The following ELAVL1 variants were observed in gnomAD, a reference collection of about 807,000 sequenced individuals.
ELAVL1 encodes ELAV-like protein 1.
A neutral mutation model predicts 28.4 loss-of-function variants in ELAVL1; 1 was observed. The observed-to-expected ratio is 0.04, with a 90% confidence interval of 0.01 to 0.17. ELAVL1 has a LOEUF of 0.17. Ranked by LOEUF, ELAVL1 falls within the 10% of genes least tolerant of loss-of-function variation. The pLI, the probability that ELAVL1 is intolerant of heterozygous loss-of-function variation, is 1.00. For missense variants in ELAVL1, 157 were observed against 447.2 expected (o/e 0.35, Z 5.85); for synonymous variants, 174 against 183.5 (o/e 0.95, Z 0.42).
Position 7,981,200 on chromosome 19 carries a change from C to T in ELAVL1, c.173-14G>A. Reference sequence around the variant, plus strand: ...CCAAGCTGTGTCCTGTGCAAGAGAACATGAAGACATTGGTAAGCCAACCGT... The same window carrying T: ...CCAAGCTGTGTCCTGTGCAAGAGAATATGAAGACATTGGTAAGCCAACCGT... On this transcript the variant is annotated splice_polypyrimidine_tract_variant and intron_variant, in intron 2 of 5. Transcript: ENST00000407627. This position sits in a 1 kb window ranked among gnomAD's most constrained non-coding sequence, Gnocchi z 4.2. 6.2e-7 allele frequency: 1 copy of T among 1,614,052 alleles called. No individual in the cohort carries two copies. Among genetic ancestry groups the T allele is most frequent in the East Asian group, 2.2e-5 (1 of 44,882 alleles).
In ELAVL1 at chr19:7,963,420, A is replaced by G; in HGVS notation, c.*63T>C. On this transcript the variant is annotated 3_prime_UTR_variant, in exon 6 of 6. Coordinates refer to ENST00000407627, the MANE Select transcript of ELAVL1 (RefSeq NM_001419.3). This position sits in a 1 kb window ranked among gnomAD's most constrained non-coding sequence, Gnocchi z 4.5. Reference sequence around the variant, plus strand: ...GGCGCAAAATGAGTTGTACACTAACAAGAAAAGTTTCAACTCCTTCACTCT... The same window carrying G: ...GGCGCAAAATGAGTTGTACACTAACGAGAAAAGTTTCAACTCCTTCACTCT... 6.5e-7 allele frequency: 1 copy of G among 1,533,208 alleles called. No individual in the cohort carries two copies. The highest frequency in any genetic ancestry group is 8.8e-7 in the Non-Finnish European group (1 of 1,137,878). The allele number at this position is 1,533,208 out of a possible 1,614,324, so 95.0% of individuals were successfully genotyped here. A position where few individuals can be genotyped will look rare whatever the true frequency, so the allele number is the denominator to read the frequency against.
chr19:7,963,895 G>T lies in ELAVL1; in HGVS notation c.657-88C>A. The T allele has an allele frequency of 7.0e-7, 1 of 1,425,806 alleles. No individual in the cohort carries two copies. 88.3% of individuals were successfully genotyped at this position (1,425,806 alleles called of 1,614,324 possible). On this transcript the variant is annotated intron_variant, in intron 5 of 5. Transcript: ENST00000407627. The surrounding 1 kb of genome is among the most constrained non-coding windows in gnomAD (Gnocchi z 4.5). ...GCCTGGACGCATGCTGACCATGGCC[G>T]CTGGGCCCCATCCCGCTCTGCGCAG...
intron 2 of ELAVL1, among the ~76,000 whole-genome samples, chr19:7,986,586 G>T (rs1156951673): frequency 6.6e-6 from 1 of 152,208 alleles, no homozygotes; most frequent in Non-Finnish European, 1.5e-5. Flanking sequence ...GTTAGCGACA[G>T]GGACCAAGAG....
chr19:8,002,590 T>C (rs1469344109), intron 1 of ELAVL1, among the ~76,000 whole-genome samples: 1 of 152,236 alleles, frequency 6.6e-6, no homozygotes, highest in Non-Finnish European at 1.5e-5. Flanking sequence ...GCTGCGCTTC[T>C]CTCGCCATTC....
In ELAVL1 at chr19:7,981,213, G is replaced by A; in HGVS notation, c.173-27C>T. ...TGTGCAAGAGAACATGAAGACATTG[G>A]TAAGCCAACCGTCTGCGAGTGAGGG... On this transcript the variant is annotated intron_variant, in intron 2 of 5. Coordinates refer to ENST00000407627, the MANE Select transcript of ELAVL1 (RefSeq NM_001419.3). This position sits in a 1 kb window ranked among gnomAD's most constrained non-coding sequence, Gnocchi z 4.2. 1.2e-6 allele frequency: 2 copies of A among 1,613,112 alleles called. No individual in the cohort carries two copies. Among genetic ancestry groups the A allele is most frequent in the Non-Finnish European group, 1.7e-6 (2 of 1,179,008 alleles).
At chr19:7,978,502 C>G (rs1985366406) in intron 3 of ELAVL1, among the ~76,000 whole-genome samples, 1 of 152,212 alleles carries the variant, frequency 6.6e-6, no homozygotes, top group African/African-American at 2.4e-5. Context: ...AGCCTCCTGG[C>G]AGGTGCACAG....
intron 1 of ELAVL1, among the ~76,000 whole-genome samples, chr19:7,992,200 C>T (rs189122709): frequency 1.3e-5 from 2 of 152,274 alleles, no homozygotes; most frequent in African/African-American, 4.8e-5. Flanking sequence ...CTCGGCCTCC[C>T]AAAGTGCTGG....
At chr19:7,999,934 G>A (rs1480183386) in intron 1 of ELAVL1, among the ~76,000 whole-genome samples, 5 of 152,092 alleles carry the variant, frequency 3.3e-5, no homozygotes, top group Admixed American at 1.3e-4. Context: ...CTGCCACCAC[G>A]CCCGGCTAAT....
chr19:7,979,389 C>A lies in ELAVL1; in HGVS notation c.276+1694G>T, dbSNP rs1319094411. On this transcript the variant is annotated intron_variant, in intron 3 of 5. Transcript: ENST00000407627. The surrounding 1 kb of genome is among the most constrained non-coding windows in gnomAD (Gnocchi z 5.4). Reference sequence around the variant, plus strand: ...CAGCCACTCCAGCCTTTCCCACCAACATCAATCCTAGAGAGGCAAGACAGT... The same window carrying A: ...CAGCCACTCCAGCCTTTCCCACCAAAATCAATCCTAGAGAGGCAAGACAGT... Among the ~76,000 whole-genome samples, 1 of 152,266 alleles carries A rather than the reference C, an allele frequency of 6.6e-6. No homozygotes were observed. Among genetic ancestry groups the A allele is most frequent in the Non-Finnish European group, 1.5e-5 (1 of 68,044 alleles).
Position 7,963,095 on chromosome 19 carries a change from AC to A in ELAVL1, c.*387del. ...TCTGTCTAACATCTTTAGATTAAAA[AC>A]TAAAACTAAAAGGTGATTTTTTTGC... On this transcript the variant is annotated 3_prime_UTR_variant, in exon 6 of 6. Transcript: ENST00000407627. This position sits in a 1 kb window ranked among gnomAD's most constrained non-coding sequence, Gnocchi z 4.5. 1 of 176,736 alleles carries A rather than the reference AC, an allele frequency of 5.7e-6. No homozygotes were observed. The highest frequency in any genetic ancestry group is 1.2e-5 in the Non-Finnish European group (1 of 82,788). 10.9% of individuals were successfully genotyped at this position (176,736 alleles called of 1,614,324 possible). A position where few individuals can be genotyped will look rare whatever the true frequency, so the allele number is the denominator to read the frequency against.
intron 4 of ELAVL1, among the ~76,000 whole-genome samples, chr19:7,969,498 C>T (rs771272139): frequency 6.6e-5 from 10 of 152,308 alleles, no homozygotes; most frequent in African/African-American, 1.2e-4. Context: ...GCTACGCACA[C>T]GTGCCAGGAA....
intron 2 of ELAVL1, among the ~76,000 whole-genome samples, chr19:7,989,845 A>G (rs1156318073): frequency 2.6e-5 from 4 of 152,242 alleles, no homozygotes; most frequent in Non-Finnish European, 4.4e-5. Context: ...CAGTGCCTGC[A>G]TCTGAAGAGC....
chr19:7,989,037 C>T (rs1385581457), intron 2 of ELAVL1, among the ~76,000 whole-genome samples: 1 of 152,144 alleles, frequency 6.6e-6, no homozygotes, highest in Non-Finnish European at 1.5e-5. Context: ...GAAATGGCTG[C>T]TGTGGGGCTC....
intron 1 of ELAVL1, among the ~76,000 whole-genome samples, chr19:7,999,611 G>A (rs2081060663): frequency 2.0e-5 from 3 of 152,100 alleles, no homozygotes; most frequent in South Asian, 2.1e-4. Flanking sequence ...ACAGGAGGCT[G>A]CTGGCTCTCA....
chr19:7,996,183 CTTT>C (rs35350359), intron 1 of ELAVL1, among the ~76,000 whole-genome samples: 5 of 141,100 alleles, frequency 3.5e-5, no homozygotes, highest in Admixed American at 7.1e-5. Context: ...ACCCAGAACC[CTTT>C]TTTTTTTTTT....
chr19:7,967,591 G>A lies in ELAVL1; in HGVS notation c.630C>T (p.Pro210=), dbSNP rs758108261. The A allele has an allele frequency of 9.3e-6, 15 of 1,613,868 alleles. No homozygotes were observed. The highest frequency in any genetic ancestry group is 1.3e-5 in the African/African-American group (1 of 74,918). ...TGAATCTCTGCGCCTGGTGGTGAACGGGGCCTCCGAACCGTCGCGCTGGCG... is the reference window on the plus strand; with the variant it reads ...TGAATCTCTGCGCCTGGTGGTGAACAGGGCCTCCGAACCGTCGCGCTGGCG... ...YHSPARRFGG[P]VHHQAQRFRF... The change falls in exon 5 of 6, where the codon CCC becomes CCT. Residue 210 remains proline (P), a synonymous_variant. Coordinates refer to ENST00000407627, the MANE Select transcript of ELAVL1 (RefSeq NM_001419.3).
At chr19:7,971,055 C>G (rs1020481728) in intron 4 of ELAVL1, among the ~76,000 whole-genome samples, 7 of 152,170 alleles carry the variant, frequency 4.6e-5, no homozygotes, top group African/African-American at 1.4e-4. Context: ...TCTCTGCCTC[C>G]CTCACTGCTC....
In ELAVL1 at chr19:7,980,841, G is replaced by A. The variant is rs113350350; in HGVS notation, c.276+242C>T. On this transcript the variant is annotated intron_variant, in intron 3 of 5. Transcript: ENST00000407627. ...GGATGGGAACACAGAGAGCCAGGCAGGAGAGACGACAGGGGAGGCCTGGGA... is the reference window on the plus strand; with the variant it reads ...GGATGGGAACACAGAGAGCCAGGCAAGAGAGACGACAGGGGAGGCCTGGGA... Among the ~76,000 whole-genome samples, 281 of 152,306 alleles carry A rather than the reference G, an allele frequency of 1.8e-3. 1 individual carries two copies. The highest frequency in any genetic ancestry group is 6.5e-3 in the African/African-American group (269 of 41,560).
At chr19:7,988,619 G>A (rs1008902531) in intron 2 of ELAVL1, among the ~76,000 whole-genome samples, 7 of 152,184 alleles carry the variant, frequency 4.6e-5, no homozygotes, top group Non-Finnish European at 8.8e-5. Flanking sequence ...AGTGGCTCTC[G>A]CTAGGGGAGA....
Sources: allele counts gnomAD v4.1 joint callset (sites outside exome capture counted in the v4.1 genomes callset), GRCh38; gene constraint gnomAD v4.1.1; non-coding constraint Gnocchi (gnomAD v3.1); transcripts MANE v1.5; gene names NCBI Gene and HGNC (gene_info 2026-07-23, HGNC 2026-07-21).